The following PMS1 variants were observed in gnomAD, a reference collection of about 807,000 sequenced individuals.
The protein encoded by PMS1 is PMS1 protein homolog 1.
A neutral mutation model predicts 93.1 loss-of-function variants in PMS1; 79 were observed. The ratio of observed to expected loss-of-function variants is 0.85; its 90% CI spans 0.71 to 1.02. PMS1 has a LOEUF of 1.02. Among genes scored for constraint, PMS1 ranks in the 50% least tolerant of loss-of-function variants. The probability of loss-of-function intolerance (pLI) is 0.00; values close to 1 mark genes in which losing one functional copy is unlikely to be tolerated. For synonymous variants in PMS1, 335 were observed against 363.4 expected, an observed-to-expected ratio of 0.92 and a Z score of 0.89; for missense variants, 1,064 against 1,085.3, an observed-to-expected ratio of 0.98 and a Z score of 0.28.
intron 6 of PMS1, among the ~76,000 whole-genome samples, chr2:189,851,486 A>G (rs1356341262): frequency 1.3e-5 from 2 of 152,182 alleles, no homozygotes; most frequent in East Asian, 3.8e-4. Flanking sequence ...ATAATGGATT[A>G]TACAGATTAA....
intron 5 of PMS1, among the ~76,000 whole-genome samples, chr2:189,832,593 G>A (rs1169497671): frequency 6.6e-6 from 1 of 152,108 alleles, no homozygotes; most frequent in African/African-American, 2.4e-5. Context: ...AGCCTCCCGG[G>A]TAGCTGGGAC....
chr2:189,794,043 A>T (rs1308982489), intron 2 of PMS1, among the ~76,000 whole-genome samples: 1 of 152,106 alleles, frequency 6.6e-6, no homozygotes, highest in Non-Finnish European at 1.5e-5. Context: ...GGCGTGAGCC[A>T]CCATACTTGG....
chr2:189,807,321 A>G (rs2050429409), intron 4 of PMS1, among the ~76,000 whole-genome samples: 1 of 152,100 alleles, frequency 6.6e-6, no homozygotes, highest in Non-Finnish European at 1.5e-5. Context: ...AATGATACAA[A>G]TATTATATAT....
rs562773488 is a variant in PMS1 at position 189,819,804 on chromosome 2, A to G, written c.582+1624A>G. Among the ~76,000 whole-genome samples the G allele has an allele frequency of 3.9e-5, 6 of 152,214 alleles. No individual in the cohort carries two copies. The East Asian group carries it at 5.8e-4, about 15-fold the overall frequency. On this transcript the variant is annotated intron_variant, in intron 5 of 12. Coordinates refer to ENST00000441310, the MANE Select transcript of PMS1 (RefSeq NM_000534.5). ...GCAGAGTTTGCAAATATTTTCTCCTATTCTGCAGGCTGTCTGTTCACTCTG... is the reference window on the plus strand; with the variant it reads ...GCAGAGTTTGCAAATATTTTCTCCTGTTCTGCAGGCTGTCTGTTCACTCTG...
chr2:189,864,986 GC>G (rs2056515682), intron 10 of PMS1, among the ~76,000 whole-genome samples: 1 of 151,184 alleles, frequency 6.6e-6, no homozygotes, highest in African/African-American at 2.4e-5. Context: ...TGCCACATTT[GC>G]TTTACCTTTC....
chr2:189,843,201 A>G (rs1171802283), intron 5 of PMS1, among the ~76,000 whole-genome samples: 1 of 151,784 alleles, frequency 6.6e-6, no homozygotes, highest in African/African-American at 2.4e-5. Flanking sequence ...TATTTTTAGT[A>G]GAGACAGGGT....
intron 3 of PMS1, among the ~76,000 whole-genome samples, chr2:189,796,759 C>G (rs1426627014): frequency 6.6e-6 from 1 of 152,108 alleles, no homozygotes; most frequent in African/African-American, 2.4e-5. Context: ...TTTTGTTTAT[C>G]TGTTCATTTT....
intron 11 of PMS1, among the ~76,000 whole-genome samples, chr2:189,873,281 A>G (rs1444734356): frequency 1.3e-5 from 2 of 152,222 alleles, no homozygotes; most frequent in East Asian, 3.8e-4. Flanking sequence ...AAGTTAAATT[A>G]TATAAAGCAC....
chr2:189,854,151 ATT>A (rs1219228244), intron 8 of PMS1, 69 bp downstream of exon 8: 1 of 1,366,260 alleles, frequency 7.3e-7, no homozygotes, highest in East Asian at 2.5e-5. Flanking sequence ...ATATAAAAAG[ATT>A]TGTTTATATT....
At chr2:189,814,865 A>C (rs1575116146) in intron 4 of PMS1, among the ~76,000 whole-genome samples, 1 of 152,262 alleles carries the variant, frequency 6.6e-6, no homozygotes, top group South Asian at 2.1e-4. Context: ...TGGGAGGCCA[A>C]GGTGGGCAGA....
intron 5 of PMS1, among the ~76,000 whole-genome samples, chr2:189,837,313 G>A (rs1375933445): frequency 6.6e-6 from 1 of 151,336 alleles, no homozygotes; most frequent in Non-Finnish European, 1.5e-5. Context: ...TTTTTTTATA[G>A]AAACAGGGTC....
chr2:189,790,481 A>C (rs1422137983), intron 1 of PMS1, among the ~76,000 whole-genome samples: 1 of 152,146 alleles, frequency 6.6e-6, no homozygotes, highest in Non-Finnish European at 1.5e-5. Flanking sequence ...TACTGTAATG[A>C]GTTTGGACCA....
intron 6 of PMS1, among the ~76,000 whole-genome samples, chr2:189,844,313 C>G (rs1452626453): frequency 6.6e-6 from 1 of 152,002 alleles, no homozygotes; most frequent in South Asian, 2.1e-4. Context: ...AAATTATGTT[C>G]AATTTAGAAT....
chr2:189,854,306 C>A lies in PMS1; in HGVS notation c.1034C>A (p.Ser345Tyr). The part of the protein sequence containing the change: ...TCYGPLPSTN[S>Y]YENNKTDVSA... ...TATGGACCATTACCTAGTACAAATT[C>A]TTATGAAAATAATAAAACAGATGTT... is the stretch of plus-strand genomic sequence containing the variant. The change falls in exon 9 of 13, where the codon TCT (serine) becomes TAT (tyrosine). Residue 345 changes from serine to tyrosine, a missense_variant. Ser to Tyr is a moderately radical substitution (Grantham distance 144). Transcript: ENST00000441310. The A allele has an allele frequency of 6.3e-7, 1 of 1,593,072 alleles. No individual in the cohort carries two copies. Among genetic ancestry groups the A allele is most frequent in the Non-Finnish European group, 8.5e-7 (1 of 1,170,778 alleles).
chr2:189,844,747 C>T (rs376273113), intron 6 of PMS1, among the ~76,000 whole-genome samples: 118 of 151,860 alleles, frequency 7.8e-4, no homozygotes, highest in African/African-American at 2.7e-3. Flanking sequence ...TTTTTTACTC[C>T]CTAATACTGG....
chr2:189,844,244 T>A (rs2054054235), intron 6 of PMS1, among the ~76,000 whole-genome samples, 164 bp downstream of exon 6: 1 of 152,188 alleles, frequency 6.6e-6, no homozygotes, highest in Non-Finnish European at 1.5e-5. Flanking sequence ...TAAACCTCTT[T>A]CCCCAGCCCT....
intron 5 of PMS1, among the ~76,000 whole-genome samples, chr2:189,840,309 A>T (rs966291059): frequency 6.6e-6 from 1 of 152,206 alleles, no homozygotes; most frequent in Non-Finnish European, 1.5e-5. Context: ...AAACAGCTGG[A>T]TCGGTTATAA....
chr2:189,859,575 A>G (rs1354455028), intron 9 of PMS1, among the ~76,000 whole-genome samples: 1 of 152,196 alleles, frequency 6.6e-6, no homozygotes, highest in East Asian at 1.9e-4. Context: ...TTTTAAGAAA[A>G]GGGGTGACAT....
At position 189,854,763 on chromosome 2, in the gene PMS1, G is replaced by A. The variant is rs2106463048; in HGVS notation, c.1491G>A (p.Glu497=). The change falls in exon 9 of 13, where the codon GAG becomes GAA. Residue 497 remains glutamate, a synonymous_variant. Coordinates refer to ENST00000441310, the MANE Select transcript of PMS1 (RefSeq NM_000534.5). ...ACTCTTCGGAAATTTCTGCAGATGA[G>A]TGGAGCAGGGGAAATATACTTAAAA... The part of the protein sequence containing the change: ...LENSSEISAD[E]WSRGNILKNS... The A allele has an allele frequency of 6.2e-7, 1 of 1,613,828 alleles. No homozygotes were observed. Among genetic ancestry groups the A allele is most frequent in the East Asian group, 2.2e-5 (1 of 44,836 alleles).
Sources: allele counts gnomAD v4.1 joint callset (sites outside exome capture counted in the v4.1 genomes callset), GRCh38; gene constraint gnomAD v4.1.1; transcripts MANE v1.5; gene names NCBI Gene and HGNC (gene_info 2026-07-23, HGNC 2026-07-21).